Variants in SEMA6D observed in about 807,000 individuals in gnomAD.
SEMA6D encodes the protein semaphorin 6D.
In SEMA6D, 35 loss-of-function variants were observed where a neutral mutation model predicts 106.6. The observed-to-expected ratio is 0.33, with a 90% CI of 0.25 to 0.44. The LOEUF (loss-of-function observed/expected upper bound fraction) is 0.44. Among genes scored for constraint, SEMA6D ranks in the 20% least tolerant of loss-of-function variants. SEMA6D has a pLI of 1.00. For missense variants in SEMA6D, 1,185 were observed against 1,345.9 expected (o/e 0.88, Z 1.87); for synonymous variants, 499 against 487.7 (o/e 1.02, Z -0.31).
At chr15:47,503,314 T>G (rs1023912700) in intron 3 of SEMA6D, among the ~76,000 whole-genome samples, 3 of 152,238 alleles carry the variant, frequency 2.0e-5, no homozygotes, top group African/African-American at 7.2e-5. Flanking sequence ...TCATTCCAAG[T>G]GTAAACTCTT....
chr15:47,197,454 A>G (rs547144693), intron 1 of SEMA6D, among the ~76,000 whole-genome samples: 50 of 151,700 alleles, frequency 3.3e-4, no homozygotes, highest in Admixed American at 9.2e-4. Flanking sequence ...CTGCTCTTCT[A>G]TCTTGCCTTG....
intron 2 of SEMA6D, among the ~76,000 whole-genome samples, chr15:47,449,793 C>T (rs1242277508): frequency 6.6e-6 from 1 of 151,990 alleles, no homozygotes. Context: ...AGAGCACAAT[C>T]CTTCCAAAAG....
chr15:47,333,035 TAGTA>T (rs2144164407), intron 1 of SEMA6D, among the ~76,000 whole-genome samples: 1 of 152,296 alleles, frequency 6.6e-6, no homozygotes, highest in South Asian at 2.1e-4. Flanking sequence ...AATTAGATAA[TAGTA>T]AGATAAGAAC....
At chr15:47,525,549 G>A (rs931024456) in intron 3 of SEMA6D, 1 of 152,066 alleles carries the variant, frequency 6.6e-6, no homozygotes, top group African/African-American at 2.4e-5. Context: ...TGCTTTTCAG[G>A]GTAGGTTTTA....
chr15:47,510,355 A>G (rs1364447579), intron 3 of SEMA6D, among the ~76,000 whole-genome samples: 1 of 151,976 alleles, frequency 6.6e-6, no homozygotes, highest in Non-Finnish European at 1.5e-5. Flanking sequence ...CCCCCAGTTT[A>G]TGGAAAAATT....
chr15:47,480,016 C>T (rs8030853), intron 3 of SEMA6D, among the ~76,000 whole-genome samples: 4,018 of 149,944 alleles, frequency 0.027, 187 homozygotes, highest in African/African-American at 0.096. Flanking sequence ...CAGCACAGCA[C>T]CTGATTAATT....
intron 3 of SEMA6D, among the ~76,000 whole-genome samples, chr15:47,570,046 A>C (rs2046339989): frequency 6.6e-6 from 1 of 151,222 alleles, no homozygotes; most frequent in Admixed American, 6.6e-5. Context: ...CGGGCAACAG[A>C]GGGAGACTCC....
At chr15:47,762,885 C>T in intron 8 of SEMA6D, 131 bp from the exon 9 acceptor site, 1 of 654,896 alleles carries the variant, frequency 1.5e-6, no homozygotes, top group South Asian at 2.0e-5. Flanking sequence ...TCCTCAAAGT[C>T]ATTGGCAGAT....
At chr15:47,626,612 GA>G (rs1192230739) in intron 4 of SEMA6D, among the ~76,000 whole-genome samples, 1 of 152,142 alleles carries the variant, frequency 6.6e-6, no homozygotes, top group Non-Finnish European at 1.5e-5. Context: ...GAAGGGCTCT[GA>G]AAAACAGTGG....
intron 4 of SEMA6D, among the ~76,000 whole-genome samples, chr15:47,674,854 G>A (rs897046374): frequency 1.3e-5 from 2 of 152,114 alleles, no homozygotes; most frequent in African/African-American, 2.4e-5. Context: ...GATTCACTGC[G>A]CATCCGAATC....
At chr15:47,694,015 T>G (rs1482045045) in intron 4 of SEMA6D, among the ~76,000 whole-genome samples, 1 of 152,144 alleles carries the variant, frequency 6.6e-6, no homozygotes. Context: ...GATTCTAATG[T>G]GCAGATAGAT....
chr15:47,616,610 AG>A (rs1189599981), intron 4 of SEMA6D, among the ~76,000 whole-genome samples: 3 of 151,958 alleles, frequency 2.0e-5, no homozygotes, highest in Non-Finnish European at 4.4e-5. Flanking sequence ...ATCCTAGACA[AG>A]GTATTGTTTA....
At chr15:47,359,004 C>T (rs377228706) in intron 1 of SEMA6D, among the ~76,000 whole-genome samples, 1 of 152,058 alleles carries the variant, frequency 6.6e-6, no homozygotes, top group South Asian at 2.1e-4. Flanking sequence ...TTCTTCCTGA[C>T]CATACTTGAT....
chr15:47,199,008 A>G lies in SEMA6D; in HGVS notation c.-239+14590A>G, dbSNP rs557807703. Among the ~76,000 whole-genome samples, 14 of 152,284 alleles carry G rather than the reference A, an allele frequency of 9.2e-5. No individual in the cohort carries two copies. The East Asian group carries it at 1.7e-3, about 19-fold the overall frequency. ...GATGTGGAAGAGAAAAACATTGACAACTACTTTACACTTTTCCCCTATTGG... is the reference window on the plus strand; with the variant it reads ...GATGTGGAAGAGAAAAACATTGACAGCTACTTTACACTTTTCCCCTATTGG... On this transcript the variant is annotated intron_variant, in intron 1 of 19. Transcript: ENST00000558014.
Position 47,320,868 on chromosome 15 carries a change from T to C in SEMA6D, c.-238-91525T>C, listed in dbSNP as rs148888377. Among the ~76,000 whole-genome samples the C allele has an allele frequency of 2.1e-3, 321 of 152,220 alleles. 1 individual carries two copies. The highest frequency in any genetic ancestry group is 7.5e-3 in the African/African-American group (312 of 41,550). ...TCCAGCCCGCCCCCCACCTTAGATT[T>C]ATGTATTCCTTGAGAGTAGAGAGAG... On this transcript the variant is annotated intron_variant, in intron 1 of 19. Transcript: ENST00000558014.
At position 47,771,703 on chromosome 15, in the gene SEMA6D, C is replaced by A. The variant is rs1204413400; in HGVS notation, c.3140C>A (p.Ser1047Tyr). 6.2e-7 allele frequency: 1 copy of A among 1,613,950 alleles called. No homozygotes were observed. Among genetic ancestry groups the A allele is most frequent in the East Asian group, 2.2e-5 (1 of 44,868 alleles). The change falls in exon 19 of 19, where the codon TCC becomes TAC. Residue 1047 changes from serine (S) to tyrosine (Y), a missense_variant. Physicochemically the swap from Ser to Tyr is moderately radical, Grantham distance 144. Coordinates refer to ENST00000536845, the MANE Select transcript of SEMA6D (RefSeq NM_001358351.3). ...LPRTGLKRTP[S>Y]LKPDVPPKPS... ...AGGACGGGACTAAAGAGGACGCCGTCCTTAAAACCTGACGTGCCACCAAAG... is the reference window on the plus strand; with the variant it reads ...AGGACGGGACTAAAGAGGACGCCGTACTTAAAACCTGACGTGCCACCAAAG...
At chr15:47,249,780 G>A (rs2033407814) in intron 1 of SEMA6D, among the ~76,000 whole-genome samples, 2 of 152,138 alleles carry the variant, frequency 1.3e-5, no homozygotes, top group East Asian at 3.9e-4. Context: ...GAGCAGAAGG[G>A]TTCTTGCCTT....
chr15:47,758,149 A>C (rs756468114), intron 1 of SEMA6D, among the ~76,000 whole-genome samples: 5 of 152,170 alleles, frequency 3.3e-5, no homozygotes, highest in Non-Finnish European at 7.3e-5. Context: ...TCCACGAAAA[A>C]AACTGCTGCA....
At position 47,630,156 on chromosome 15, in the gene SEMA6D, C is replaced by T. The variant is rs1053167027; in HGVS notation, c.-55+29260C>T. Among the ~76,000 whole-genome samples the T allele has an allele frequency of 2.6e-5, 4 of 151,914 alleles. No individual in the cohort carries two copies. The South Asian group carries it at 8.3e-4, about 31-fold the overall frequency. On this transcript the variant is annotated intron_variant, in intron 4 of 19. Coordinates refer to the SEMA6D transcript ENST00000558014. ...TTTCCCTAGTGGTTGTACTAACTTA[C>T]ATTCCCACCAACAGTGGCATATAAG...
Sources: allele counts gnomAD v4.1 joint callset (sites outside exome capture counted in the v4.1 genomes callset), GRCh38; gene constraint gnomAD v4.1.1; transcripts MANE v1.5; gene names NCBI Gene and HGNC (gene_info 2026-07-23, HGNC 2026-07-21).